PARD3B: variants seen among roughly 807,000 people sequenced by gnomAD.
PARD3B encodes par-3 family cell polarity regulator beta, also known as partitioning defective 3 homolog B.
PARD3B carries 103 observed loss-of-function variants against 130.2 expected under a neutral mutation model. That is an observed-to-expected ratio of 0.79 (90% CI 0.67 to 0.93). PARD3B has a LOEUF of 0.93. Ranked by LOEUF, PARD3B falls within the 40% of genes least tolerant of loss-of-function variation. PARD3B has a pLI of 0.00. For synonymous variants in PARD3B, 583 were observed against 553.2 expected (o/e 1.05, Z -0.76); for missense variants, 1,609 against 1,499.2 (o/e 1.07, Z -1.21).
Position 205,060,409 on chromosome 2 carries a change from G to T in PARD3B, c.504+12719G>T, listed in dbSNP as rs184691641. Among the ~76,000 whole-genome samples the T allele has an allele frequency of 2.2e-3, 331 of 152,218 alleles. 3 individuals are homozygous for T. Among genetic ancestry groups the T allele is most frequent in the African/African-American group, 7.8e-3 (324 of 41,550 alleles). On this transcript the variant is annotated intron_variant, in intron 4 of 22. Coordinates refer to ENST00000406610, the MANE Select transcript of PARD3B (RefSeq NM_001302769.2). ...GGCATTTAAGACATTCATATTCATA[G>T]AAGAATGCATTCAGATGGGCTGAAA...
rs1696114737 is a variant in PARD3B, at chr2:205,015,950, C to A, written c.395-31631C>A. On this transcript the variant is annotated intron_variant, in intron 3 of 22. Transcript: ENST00000406610. This position sits in a 1 kb window ranked among gnomAD's most constrained non-coding sequence, Gnocchi z 4.5. ...CGTTTCTGCACTCCACCTGAGGCCA[C>A]CACTCCCAACAGTTACACTGAAGTT... Among the ~76,000 whole-genome samples the A allele has an allele frequency of 6.6e-6, 1 of 152,150 alleles. No individual in the cohort carries two copies. The highest frequency in any genetic ancestry group is 2.4e-5 in the African/African-American group (1 of 41,438).
At chr2:204,680,828 T>C (rs1363298164) in intron 1 of PARD3B, among the ~76,000 whole-genome samples, 1 of 152,172 alleles carries the variant, frequency 6.6e-6, no homozygotes, top group Non-Finnish European at 1.5e-5. Context: ...TCTACTGTGA[T>C]AAGAGAACAT....
intron 2 of PARD3B, among the ~76,000 whole-genome samples, chr2:204,755,766 A>G (rs889508129): frequency 5.3e-5 from 8 of 152,180 alleles, no homozygotes; most frequent in Non-Finnish European, 1.0e-4. Context: ...TAACAAAAGA[A>G]ATAAGCTCTT....
chr2:205,006,229 G>T (rs918144251), intron 3 of PARD3B, among the ~76,000 whole-genome samples: 3 of 152,062 alleles, frequency 2.0e-5, no homozygotes, highest in African/African-American at 4.8e-5. Context: ...GACACTTTAG[G>T]TTGGTTCCGT....
At chr2:205,296,368 G>A (rs960629493) in intron 16 of PARD3B, among the ~76,000 whole-genome samples, 9 of 152,150 alleles carry the variant, frequency 5.9e-5, no homozygotes, top group Admixed American at 2.6e-4. Flanking sequence ...GCAGTGCTCA[G>A]CTGTAAGGCA....
intron 2 of PARD3B, among the ~76,000 whole-genome samples, chr2:204,774,923 CT>C (rs1347103656): frequency 6.6e-6 from 1 of 152,096 alleles, no homozygotes; most frequent in Non-Finnish European, 1.5e-5. Context: ...TTTCTCAGTG[CT>C]TTCACAGATC....
chr2:205,008,792 G>A (rs1695482931), intron 3 of PARD3B, among the ~76,000 whole-genome samples: 1 of 152,140 alleles, frequency 6.6e-6, no homozygotes, highest in African/African-American at 2.4e-5. Flanking sequence ...TCATGTGATG[G>A]ATATAACAGT....
At chr2:204,921,336 A>G (rs905252123) in intron 2 of PARD3B, among the ~76,000 whole-genome samples, 1 of 152,220 alleles carries the variant, frequency 6.6e-6, no homozygotes. Context: ...GAAAGTAGCT[A>G]ACAATCTAGA....
At position 204,883,448 on chromosome 2, in the gene PARD3B, T is replaced by TA. The variant is rs1416293808; in HGVS notation, c.223-81703dup. On this transcript the variant is annotated intron_variant, in intron 2 of 22. Transcript: ENST00000406610. The stretch of plus-strand genomic sequence containing the variant: ...TATATATATAAAATATATATATATA[T>TA]ATATATATTTTTTTTTTTGAGACAG... Among the ~76,000 whole-genome samples, 159 of 105,928 alleles carry TA rather than the reference T, an allele frequency of 1.5e-3. 1 individual carries two copies. Among genetic ancestry groups the TA allele is most frequent in the African/African-American group, 6.8e-3 (146 of 21,352 alleles). 69.5% of individuals were successfully genotyped at this position (105,928 alleles called of 152,430 possible).
At chr2:205,502,323 A>G (rs2050187251) in intron 21 of PARD3B, among the ~76,000 whole-genome samples, 2 of 152,162 alleles carry the variant, frequency 1.3e-5, no homozygotes, top group Admixed American at 1.3e-4. Context: ...CTAGAAAGGC[A>G]GGTCTTTAGC....
At chr2:204,790,280 C>G (rs1293914149) in intron 2 of PARD3B, among the ~76,000 whole-genome samples, 1 of 152,162 alleles carries the variant, frequency 6.6e-6, no homozygotes, top group Non-Finnish European at 1.5e-5. Context: ...ACAAGATAGT[C>G]AGGGTCCTGT....
chr2:205,402,152 A>G (rs2046274944), intron 19 of PARD3B, among the ~76,000 whole-genome samples: 1 of 152,198 alleles, frequency 6.6e-6, no homozygotes, highest in Non-Finnish European at 1.5e-5. Flanking sequence ...AGCAAGGAAA[A>G]AAAGCTATTT....
intron 2 of PARD3B, among the ~76,000 whole-genome samples, chr2:204,694,164 A>G (rs1377182580): frequency 6.6e-6 from 1 of 152,086 alleles, no homozygotes; most frequent in African/African-American, 2.4e-5. Flanking sequence ...AAATGTATCT[A>G]TTCCTGCTGT....
At chr2:204,745,800 A>G (rs931596438) in intron 2 of PARD3B, among the ~76,000 whole-genome samples, 1 of 151,982 alleles carries the variant, frequency 6.6e-6, no homozygotes, top group African/African-American at 2.4e-5. Flanking sequence ...GATGGAATTG[A>G]TATTCAGGTA....
At chr2:205,345,195 C>A (rs1475691176) in intron 18 of PARD3B, among the ~76,000 whole-genome samples, 2 of 151,830 alleles carry the variant, frequency 1.3e-5, no homozygotes, top group Admixed American at 6.6e-5. Flanking sequence ...GAAGTGAAGA[C>A]CCAAAAAAAA....
At chr2:204,602,726 G>A (rs576431236) in intron 1 of PARD3B, among the ~76,000 whole-genome samples, 8 of 152,120 alleles carry the variant, frequency 5.3e-5, no homozygotes, top group East Asian at 1.9e-4. Flanking sequence ...CAAATATAAC[G>A]TACAGACCAT....
chr2:205,038,911 G>A (rs1698192661), intron 3 of PARD3B, among the ~76,000 whole-genome samples: 1 of 152,098 alleles, frequency 6.6e-6, no homozygotes, highest in Admixed American at 6.6e-5. Context: ...TTTTGACTTA[G>A]TTTCCTTAGT....
At chr2:205,429,165 A>T (rs546033820) in intron 19 of PARD3B, among the ~76,000 whole-genome samples, 2 of 152,232 alleles carry the variant, frequency 1.3e-5, no homozygotes, top group Non-Finnish European at 1.5e-5. Flanking sequence ...TGTGTATTAT[A>T]TATTATGGAC....
At chr2:204,646,391 C>T (rs1253955927) in intron 1 of PARD3B, among the ~76,000 whole-genome samples, 7 of 152,046 alleles carry the variant, frequency 4.6e-5, no homozygotes, top group African/African-American at 2.4e-5. Flanking sequence ...TGAATGTACT[C>T]ATACAGTGTT....
Sources: gnomAD v4.1 joint callset for allele counts (sites outside exome capture counted in the v4.1 genomes callset) on GRCh38, gnomAD v4.1.1 for gene constraint, Gnocchi (gnomAD v3.1) non-coding constraint, MANE v1.5 for transcripts, NCBI Gene and HGNC (gene_info 2026-07-23, HGNC 2026-07-21) for gene names.